The following UBE2O variants were observed in gnomAD, a reference collection of about 807,000 sequenced individuals.
UBE2O encodes (E3-independent) E2 ubiquitin-conjugating enzyme.
A neutral mutation model predicts 125.8 loss-of-function variants in UBE2O; 15 were observed. That is an observed-to-expected ratio of 0.12 (90% CI 0.08 to 0.18). The LOEUF (loss-of-function observed/expected upper bound fraction) is 0.18. Ranked by LOEUF, UBE2O falls within the 10% of genes least tolerant of loss-of-function variation. The pLI is 1.00. For missense variants in UBE2O, 1,280 were observed against 1,723.6 expected (o/e 0.74, Z 4.56); for synonymous variants, 708 against 703.2 (o/e 1.01, Z -0.11).
intron 1 of UBE2O, among the ~76,000 whole-genome samples, chr17:76,418,821 G>C (rs190499798): frequency 6.6e-6 from 1 of 152,040 alleles, no homozygotes; most frequent in African/African-American, 2.4e-5. Flanking sequence ...CACCCGCGTC[G>C]GCCTCCCAAA....
At chr17:76,426,436 T>C (rs1349590861) in intron 1 of UBE2O, among the ~76,000 whole-genome samples, 1 of 152,266 alleles carries the variant, frequency 6.6e-6, no homozygotes, top group African/African-American at 2.4e-5. Context: ...TTACTTTCAT[T>C]GTGATCCATG....
In UBE2O at chr17:76,429,042, C is replaced by T. The variant is rs936108189; in HGVS notation, c.418-23470G>A. On this transcript the variant is annotated intron_variant, in intron 1 of 17. Transcript: ENST00000319380. Reference sequence around the variant, plus strand: ...TCAGCCTCCCGAGTAGCTGGGATTACGGGCGCATGCCACCATGCCCGGCTA... The same window carrying T: ...TCAGCCTCCCGAGTAGCTGGGATTATGGGCGCATGCCACCATGCCCGGCTA... Among the ~76,000 whole-genome samples, 3 of 151,678 alleles carry T rather than the reference C, an allele frequency of 2.0e-5. No homozygotes were observed. The East Asian group carries it at 5.9e-4, about 30-fold the overall frequency.
At chr17:76,407,745 A>G (rs2072449343) in intron 1 of UBE2O, among the ~76,000 whole-genome samples, 1 of 152,284 alleles carries the variant, frequency 6.6e-6, no homozygotes, top group South Asian at 2.1e-4. Flanking sequence ...GCAAGGCCAG[A>G]GGCTGGCAGG....
At chr17:76,397,690 G>C in intron 13 of UBE2O, 109 bp downstream of exon 13, 1 of 1,089,286 alleles carries the variant, frequency 9.2e-7, no homozygotes, top group South Asian at 1.3e-5. Context: ...CTTTCGCTGA[G>C]ATCTCACCAG....
chr17:76,398,755 C>G lies in UBE2O; in HGVS notation c.1783+82G>C, dbSNP rs140513072. 1 of 1,554,294 alleles carries G rather than the reference C, an allele frequency of 6.4e-7. No individual in the cohort carries two copies. The highest frequency in any genetic ancestry group is 8.7e-7 in the Non-Finnish European group (1 of 1,143,212). ...CCTCATTTTAGCTCTGACCCCAGAT[C>G]CACTGCCCATTCTCCACAAGCCCCA... On this transcript the variant is annotated intron_variant, in intron 10 of 17. Transcript: ENST00000319380. The surrounding 1 kb of genome is among the most constrained non-coding windows in gnomAD (Gnocchi z 5.4).
At chr17:76,392,607 C>T (rs1367820947) in intron 15 of UBE2O, among the ~76,000 whole-genome samples, 1 of 151,594 alleles carries the variant, frequency 6.6e-6, no homozygotes, top group African/African-American at 2.4e-5. Flanking sequence ...GAGAAATACT[C>T]GAAGTGAGTT....
rs907531879 is a variant in UBE2O at position 76,395,057 on chromosome 17, G to A, written c.2946+668C>T. Reference sequence around the variant, plus strand: ...CATCCGGCTAATTTTTGTATTTTTAGTAGAGACAGGGTTTCACCGGGTTGG... The same window carrying A: ...CATCCGGCTAATTTTTGTATTTTTAATAGAGACAGGGTTTCACCGGGTTGG... On this transcript the variant is annotated intron_variant, in intron 15 of 17. Transcript: ENST00000319380. This position sits in a 1 kb window ranked among gnomAD's most constrained non-coding sequence, Gnocchi z 5.0. 7.1e-6 allele frequency among the ~76,000 whole-genome samples: 1 copy of A among 140,042 alleles called. No individual in the cohort carries two copies. Among genetic ancestry groups the A allele is most frequent in the Non-Finnish European group, 1.6e-5 (1 of 64,066 alleles). 91.9% of individuals were successfully genotyped at this position (140,042 alleles called of 152,430 possible). A position where few individuals can be genotyped will look rare whatever the true frequency, so the allele number is the denominator to read the frequency against.
In UBE2O at chr17:76,405,863, C is replaced by T. The variant is rs1598592425; in HGVS notation, c.418-291G>A. Among the ~76,000 whole-genome samples the T allele has an allele frequency of 2.6e-5, 4 of 152,322 alleles. No individual in the cohort carries two copies. The highest frequency in any genetic ancestry group is 4.4e-5 in the Non-Finnish European group (3 of 68,028). On this transcript the variant is annotated intron_variant, in intron 1 of 17. Coordinates refer to ENST00000319380, the MANE Select transcript of UBE2O (RefSeq NM_022066.4). The surrounding 1 kb of genome is among the most constrained non-coding windows in gnomAD (Gnocchi z 6.1). ...CTTCCTCACACTGAACAGTGCAGCTCAATGACAGATCACATAAGGCTGCAC... is the reference window on the plus strand; with the variant it reads ...CTTCCTCACACTGAACAGTGCAGCTTAATGACAGATCACATAAGGCTGCAC...
At chr17:76,418,746 T>A (rs1183135922) in intron 1 of UBE2O, among the ~76,000 whole-genome samples, 3 of 152,110 alleles carry the variant, frequency 2.0e-5, no homozygotes, top group Non-Finnish European at 4.4e-5. Flanking sequence ...ACTTTTTGTA[T>A]TTTTAGTAGA....
chr17:76,441,986 G>A (rs375065665), intron 1 of UBE2O, among the ~76,000 whole-genome samples: 2 of 152,192 alleles, frequency 1.3e-5, no homozygotes, highest in Non-Finnish European at 2.9e-5. Flanking sequence ...AGAGAGCCTC[G>A]TTCGTACTTA....
intron 1 of UBE2O, among the ~76,000 whole-genome samples, chr17:76,425,641 T>C (rs1004909151): frequency 1.6e-4 from 24 of 152,374 alleles, no homozygotes; most frequent in African/African-American, 9.6e-5. Context: ...ACTGCATTAA[T>C]TGAAAAATCT....
At chr17:76,413,896 T>C (rs981770420) in intron 1 of UBE2O, among the ~76,000 whole-genome samples, 7 of 152,192 alleles carry the variant, frequency 4.6e-5, no homozygotes, top group African/African-American at 9.7e-5. Flanking sequence ...AGGCAGAAAA[T>C]GGGGCCTCCT....
chr17:76,425,009 T>TAC (rs1264747676), intron 1 of UBE2O, among the ~76,000 whole-genome samples: 2 of 151,474 alleles, frequency 1.3e-5, no homozygotes, highest in Non-Finnish European at 3.0e-5. Flanking sequence ...TAGCTGGGAC[T>TAC]ACAGGCACCC....
chr17:76,393,792 G>A (rs969033028), intron 15 of UBE2O, among the ~76,000 whole-genome samples: 36 of 152,256 alleles, frequency 2.4e-4, no homozygotes, highest in African/African-American at 7.2e-4. Context: ...ACACACGCGT[G>A]TGTGTGGGAT....
chr17:76,407,327 T>C (rs983294313), intron 1 of UBE2O, among the ~76,000 whole-genome samples: 2 of 152,290 alleles, frequency 1.3e-5, no homozygotes, highest in African/African-American at 4.8e-5. Context: ...GGTGCCACTT[T>C]TCTAAATCAA....
chr17:76,449,540 A>C (rs2073201734), intron 1 of UBE2O, among the ~76,000 whole-genome samples: 1 of 152,256 alleles, frequency 6.6e-6, no homozygotes, highest in East Asian at 1.9e-4. Context: ...GTGCCACTGC[A>C]CTCCAGCCTG....
chr17:76,438,114 C>T (rs1014579114), intron 1 of UBE2O, among the ~76,000 whole-genome samples: 3 of 152,146 alleles, frequency 2.0e-5, no homozygotes, highest in East Asian at 3.9e-4. Flanking sequence ...TTCTTACTGC[C>T]TTTTGGTAGG....
chr17:76,406,692 GT>G (rs66834782), intron 1 of UBE2O, among the ~76,000 whole-genome samples: 1,551 of 70,884 alleles, frequency 0.022, 4 homozygotes, highest in African/African-American at 0.04. Context: ...AGCCCAAGTT[GT>G]TTTTTTTTTT....
At chr17:76,420,333 G>C (rs921022600) in intron 1 of UBE2O, among the ~76,000 whole-genome samples, 2 of 152,106 alleles carry the variant, frequency 1.3e-5, no homozygotes, top group Admixed American at 6.5e-5. Context: ...GGGAGCAGGG[G>C]GCTATGGAGG....
Sources: allele counts gnomAD v4.1 joint callset (sites outside exome capture counted in the v4.1 genomes callset), GRCh38; gene constraint gnomAD v4.1.1; non-coding constraint Gnocchi (gnomAD v3.1); transcripts MANE v1.5; gene names NCBI Gene and HGNC (gene_info 2026-07-23, HGNC 2026-07-21).